The following PPP2R2B variants were observed in gnomAD, a reference collection of about 807,000 sequenced individuals.
PPP2R2B encodes serine/threonine-protein phosphatase 2A 55 kDa regulatory subunit B beta isoform.
A neutral mutation model predicts 46.0 loss-of-function variants in PPP2R2B; 5 were observed. The ratio of observed to expected loss-of-function variants is 0.11; its 90% CI spans 0.06 to 0.23. The LOEUF is 0.23. PPP2R2B is among the 10% of genes least tolerant of loss of function. The pLI, the probability that PPP2R2B is intolerant of heterozygous loss-of-function variation, is 1.00. For missense variants in PPP2R2B, 367 were observed against 575.0 expected (o/e 0.64, Z 3.70); for synonymous variants, 215 against 206.7 (o/e 1.04, Z -0.34).
At chr5:146,963,587 C>T (rs1752274975) in intron 1 of PPP2R2B, among the ~76,000 whole-genome samples, 1 of 152,204 alleles carries the variant, frequency 6.6e-6, no homozygotes, top group African/African-American at 2.4e-5. Flanking sequence ...AGGGGTTTAT[C>T]AGCAATTATT....
At chr5:147,029,495 G>C (rs1483554493) in intron 1 of PPP2R2B, among the ~76,000 whole-genome samples, 1 of 151,984 alleles carries the variant, frequency 6.6e-6, no homozygotes, top group Non-Finnish European at 1.5e-5. Flanking sequence ...TTGTTTGTTT[G>C]TCCTGTATCC....
chr5:146,665,204 T>C (rs1776910141), intron 5 of PPP2R2B, among the ~76,000 whole-genome samples: 1 of 152,222 alleles, frequency 6.6e-6, no homozygotes, highest in Non-Finnish European at 1.5e-5. Context: ...TCTCTCCAGC[T>C]ATGAAAGTCC....
At chr5:146,912,649 C>T (rs921480505) in intron 1 of PPP2R2B, among the ~76,000 whole-genome samples, 2 of 151,826 alleles carry the variant, frequency 1.3e-5, no homozygotes, top group East Asian at 2.0e-4. Flanking sequence ...GGATTACAGG[C>T]GTGTGCCACC....
intron 1 of PPP2R2B, among the ~76,000 whole-genome samples, chr5:147,018,472 T>A (rs567421900): frequency 3.9e-5 from 6 of 152,114 alleles, no homozygotes; most frequent in East Asian, 1.9e-4. Flanking sequence ...TTATATATAT[T>A]TTTTAAAAAC....
intron 2 of PPP2R2B, among the ~76,000 whole-genome samples, chr5:146,844,104 C>T (rs1395023472): frequency 1.4e-5 from 2 of 147,398 alleles, no homozygotes; most frequent in Non-Finnish European, 3.0e-5. Flanking sequence ...ATCGCAAGAA[C>T]AAAAAACCAA....
At chr5:146,782,577 T>C (rs1006192803) in intron 2 of PPP2R2B, among the ~76,000 whole-genome samples, 3 of 152,222 alleles carry the variant, frequency 2.0e-5, no homozygotes, top group Non-Finnish European at 4.4e-5. Context: ...TCTTGATTTT[T>C]AATTCTTGCA....
intron 1 of PPP2R2B, among the ~76,000 whole-genome samples, chr5:146,986,810 A>G (rs959331851): frequency 6.6e-6 from 1 of 152,214 alleles, no homozygotes. Context: ...TTGCCCTTAA[A>G]GTCGGAGTAG....
intron 2 of PPP2R2B, among the ~76,000 whole-genome samples, chr5:146,711,530 G>T (rs1331079947): frequency 6.6e-6 from 1 of 152,132 alleles, no homozygotes; most frequent in African/African-American, 2.4e-5. Context: ...GCACTGTCAG[G>T]GATTCAGGGT....
At chr5:147,009,980 T>G (rs1754638208) in intron 1 of PPP2R2B, among the ~76,000 whole-genome samples, 1 of 151,950 alleles carries the variant, frequency 6.6e-6, no homozygotes, top group African/African-American at 2.4e-5. Flanking sequence ...TTGTGACTAT[T>G]AAATGAGATG....
At position 147,065,203 on chromosome 5, in the gene PPP2R2B, G is replaced by A. The variant is rs188520270; in HGVS notation, c.50+15856C>T. Among the ~76,000 whole-genome samples, 17 of 152,230 alleles carry A rather than the reference G, an allele frequency of 1.1e-4. 1 individual carries two copies. The highest frequency in any genetic ancestry group is 9.2e-4 in the Admixed American group (14 of 15,272). On this transcript the variant is annotated intron_variant, in intron 2 of 10. Coordinates refer to the PPP2R2B transcript ENST00000394413. ...GTAAGTGTATGATGGAGAACATTCAGGACCTTCTACAAGGGCCACAAAGCT... is the reference window on the plus strand; with the variant it reads ...GTAAGTGTATGATGGAGAACATTCAAGACCTTCTACAAGGGCCACAAAGCT...
chr5:146,633,478 C>T (rs1198706526), intron 7 of PPP2R2B, among the ~76,000 whole-genome samples: 2 of 152,242 alleles, frequency 1.3e-5, no homozygotes, highest in African/African-American at 4.8e-5. Flanking sequence ...TCCCAGCTGG[C>T]AGGAGCTGGG....
intron 5 of PPP2R2B, among the ~76,000 whole-genome samples, chr5:146,665,555 T>C (rs181086277): frequency 2.6e-4 from 39 of 152,360 alleles, no homozygotes; most frequent in Non-Finnish European, 4.7e-4. Context: ...TCAAACCTTC[T>C]CTATGTCAGC....
At chr5:146,673,254 C>T (rs898003635) in intron 5 of PPP2R2B, among the ~76,000 whole-genome samples, 5 of 152,276 alleles carry the variant, frequency 3.3e-5, no homozygotes, top group Admixed American at 2.6e-4. Flanking sequence ...CAGATGCTGG[C>T]GGGATGATTT....
rs5871984 is a variant in PPP2R2B, at chr5:146,652,760, ACC to A, written c.448-2038_448-2037del. Among the ~76,000 whole-genome samples, 965 of 151,642 alleles carry A rather than the reference ACC, an allele frequency of 6.4e-3. 22 individuals are homozygous for A. Among genetic ancestry groups the A allele is most frequent in the Admixed American group, 0.041 (630 of 15,244 alleles). On this transcript the variant is annotated intron_variant, in intron 5 of 9. Transcript: ENST00000394411. ...GGTGACAGGCTAGGTAGGAGGCAAC[ACC>A]CCCCCCCAAAAAGTTTTGCCATTAT...
chr5:146,884,338 A>T (rs1467117882), intron 1 of PPP2R2B, among the ~76,000 whole-genome samples: 2 of 152,254 alleles, frequency 1.3e-5, no homozygotes, highest in East Asian at 3.9e-4. Context: ...TCCCATATCC[A>T]TCAGAGGAAA....
chr5:147,047,119 G>A (rs1353477197), intron 1 of PPP2R2B, among the ~76,000 whole-genome samples: 3 of 152,030 alleles, frequency 2.0e-5, no homozygotes, highest in South Asian at 2.1e-4. Context: ...CAGGCCCAGG[G>A]TTCTTCCTAT....
At chr5:146,640,233 G>T (rs1299373550) in intron 6 of PPP2R2B, among the ~76,000 whole-genome samples, 3 of 152,106 alleles carry the variant, frequency 2.0e-5, no homozygotes, top group Non-Finnish European at 4.4e-5. Context: ...TCTAAAATTG[G>T]CATGAGACTG....
At chr5:146,603,805 G>C (rs1467424379) in intron 7 of PPP2R2B, among the ~76,000 whole-genome samples, 1 of 152,156 alleles carries the variant, frequency 6.6e-6, no homozygotes, top group East Asian at 1.9e-4. Context: ...TTTTATATAT[G>C]TGGATAACTA....
chr5:146,988,522 G>A (rs983107759), intron 1 of PPP2R2B, among the ~76,000 whole-genome samples: 3 of 151,876 alleles, frequency 2.0e-5, no homozygotes, highest in African/African-American at 4.8e-5. Flanking sequence ...AAACTAATGG[G>A]TCAATGAAGA....
Sources: gnomAD v4.1 joint callset for allele counts (sites outside exome capture counted in the v4.1 genomes callset) on GRCh38, gnomAD v4.1.1 for gene constraint, MANE v1.5 for transcripts, NCBI Gene and HGNC (gene_info 2026-07-23, HGNC 2026-07-21) for gene names.